Variants in SPAG9 observed in about 807,000 individuals in gnomAD.
SPAG9 encodes the protein C-Jun-amino-terminal kinase-interacting protein 4.
SPAG9 carries 35 observed loss-of-function variants against 166.5 expected under a neutral mutation model. That is an observed-to-expected ratio of 0.21 (90% CI 0.16 to 0.28). The LOEUF (loss-of-function observed/expected upper bound fraction) is 0.28. Ranked by LOEUF, SPAG9 falls within the 10% of genes least tolerant of loss-of-function variation. The pLI, the probability that SPAG9 is intolerant of heterozygous loss-of-function variation, is 1.00. For synonymous variants in SPAG9, 534 were observed against 565.5 expected (o/e 0.94, Z 0.79); for missense variants, 1,235 against 1,603.3 (o/e 0.77, Z 3.92).
chr17:51,021,890 C>T (rs958499176), intron 6 of SPAG9, among the ~76,000 whole-genome samples: 6 of 151,954 alleles, frequency 3.9e-5, no homozygotes, highest in East Asian at 1.9e-4. Context: ...TTTGGGAGGC[C>T]GAGGCAGGCG....
At chr17:51,117,708 CA>C (rs397856959) in intron 1 of SPAG9, among the ~76,000 whole-genome samples, 11,283 of 41,736 alleles carry the variant, frequency 0.27, 143 homozygotes, top group Admixed American at 0.31. Flanking sequence ...GACTCCGTCT[CA>C]AAAAAAAAAA....
chr17:50,999,400 G>T, intron 14 of SPAG9: 1 of 1,159,266 alleles, frequency 8.6e-7, no homozygotes. Flanking sequence ...AAATTTGGCA[G>T]AGGATTGCAA....
intron 8 of SPAG9, among the ~76,000 whole-genome samples, chr17:51,016,449 A>C (rs930909850): frequency 3.9e-5 from 6 of 152,236 alleles, no homozygotes; most frequent in African/African-American, 1.4e-4. Flanking sequence ...CAGGAGAGTA[A>C]GCCCTAGGAA....
At chr17:50,980,065 T>C (rs1434720859) in intron 25 of SPAG9, 148 bp from the exon 26 acceptor site, 1 of 716,386 alleles carries the variant, frequency 1.4e-6, no homozygotes, top group Non-Finnish European at 2.3e-6. Flanking sequence ...TACACAATTG[T>C]TTTCATCCTG....
chr17:51,032,199 T>C (rs117941108), intron 5 of SPAG9, among the ~76,000 whole-genome samples: 6,549 of 152,274 alleles, frequency 0.043, 202 homozygotes, highest in Non-Finnish European at 0.064. Flanking sequence ...CTCACTCCTG[T>C]CGTCCAGGCT....
Position 51,047,442 on chromosome 17 carries a change from C to G in SPAG9, c.523G>C (p.Glu175Gln). 1 of 1,576,684 alleles carries G rather than the reference C, an allele frequency of 6.3e-7. No individual in the cohort carries two copies. The highest frequency in any genetic ancestry group is 8.7e-7 in the Non-Finnish European group (1 of 1,155,020). Residue 175 changes from glutamate to glutamine, a missense_variant, in exon 4 of 30, where the codon GAA (glutamate) becomes CAA (glutamine). By Grantham distance (29) the Glu-to-Gln change is conservative. Coordinates refer to ENST00000262013, the MANE Select transcript of SPAG9 (RefSeq NM_001130528.3). ...EMIHNYMEHL[E>Q]RTKLHQLSGS... Reference sequence around the variant, plus strand: ...GAGAGCTGATGAAGTTTTGTTCTTTCTAAATGTTCCATATAATTATGGATC... The same window carrying G: ...GAGAGCTGATGAAGTTTTGTTCTTTGTAAATGTTCCATATAATTATGGATC...
chr17:51,091,461 C>T (rs1372847518), intron 1 of SPAG9, among the ~76,000 whole-genome samples: 1 of 151,944 alleles, frequency 6.6e-6, no homozygotes, highest in Non-Finnish European at 1.5e-5. Context: ...AGGAGAAGCG[C>T]AGCAGTTTTT....
intron 8 of SPAG9, among the ~76,000 whole-genome samples, chr17:51,016,426 G>A (rs2045700060): frequency 6.6e-6 from 1 of 152,202 alleles, no homozygotes; most frequent in South Asian, 2.1e-4. Flanking sequence ...TGGAGAATGG[G>A]AATAGGAGGC....
chr17:51,054,761 A>C (rs1487040498), intron 3 of SPAG9, among the ~76,000 whole-genome samples: 1 of 152,038 alleles, frequency 6.6e-6, no homozygotes, highest in African/African-American at 2.4e-5. Context: ...TTACCACTGA[A>C]AAAGCTGCTG....
At chr17:51,004,435 T>C (rs1376821723) in intron 12 of SPAG9, among the ~76,000 whole-genome samples, 1 of 152,252 alleles carries the variant, frequency 6.6e-6, no homozygotes, top group East Asian at 1.9e-4. Flanking sequence ...CTGCAAACAT[T>C]TGTTATAAGA....
At chr17:51,081,288 T>C (rs1217875857) in intron 1 of SPAG9, among the ~76,000 whole-genome samples, 1 of 152,056 alleles carries the variant, frequency 6.6e-6, no homozygotes, top group Non-Finnish European at 1.5e-5. Context: ...CGGTCTCTAC[T>C]AAAAACACAA....
intron 19 of SPAG9, among the ~76,000 whole-genome samples, chr17:50,991,449 ATTT>A (rs1298245184): frequency 6.6e-6 from 1 of 151,940 alleles, no homozygotes; most frequent in Non-Finnish European, 1.5e-5. Flanking sequence ...AATAAATCTC[ATTT>A]TTTAATTTAG....
intron 3 of SPAG9, among the ~76,000 whole-genome samples, chr17:51,051,532 C>A (rs1222399275): frequency 6.6e-6 from 1 of 152,160 alleles, no homozygotes; most frequent in Non-Finnish European, 1.5e-5. Flanking sequence ...CCAGCCTGGA[C>A]AACATGGTGA....
chr17:51,033,266 T>C (rs1432257377), intron 5 of SPAG9, among the ~76,000 whole-genome samples: 4 of 147,474 alleles, frequency 2.7e-5, no homozygotes, highest in Non-Finnish European at 4.5e-5. Flanking sequence ...TGGGTAGCTC[T>C]CTCTATATAA....
chr17:51,054,855 C>G (rs1429605958), intron 3 of SPAG9, among the ~76,000 whole-genome samples: 1 of 152,144 alleles, frequency 6.6e-6, no homozygotes, highest in East Asian at 1.9e-4. Context: ...GATATCAATT[C>G]TGTGATACTT....
At chr17:51,050,048 AAAG>A (rs2047139570) in intron 3 of SPAG9, among the ~76,000 whole-genome samples, 1 of 152,236 alleles carries the variant, frequency 6.6e-6, no homozygotes, top group African/African-American at 2.4e-5. Context: ...CAATATAGAA[AAAG>A]AATGACAAGC....
chr17:50,967,439 A>C lies in SPAG9; in HGVS notation c.3851-1052T>G, dbSNP rs1973444602. ...ATCTGCATTTTTCTCTGCAGGCCAA[A>C]CTTTCCCTTACCCAGCCCTGTAATG... On this transcript the variant is annotated intron_variant, in intron 29 of 29. Transcript: ENST00000262013. Among the ~76,000 whole-genome samples the C allele has an allele frequency of 1.3e-5, 2 of 152,190 alleles. 1 individual carries two copies. Among genetic ancestry groups the C allele is most frequent in the South Asian group, 4.1e-4 (2 of 4,832 alleles).
chr17:51,020,327 GT>G, intron 7 of SPAG9, 69 bp from the exon 8 acceptor site: 2 of 1,001,614 alleles, frequency 2.0e-6, no homozygotes, highest in Non-Finnish European at 1.5e-6. Context: ...AAATCCTGTT[GT>G]TTTTATGGGT....
intron 9 of SPAG9, among the ~76,000 whole-genome samples, chr17:51,011,651 G>A (rs1383971897): frequency 6.6e-6 from 1 of 152,094 alleles, no homozygotes; most frequent in African/African-American, 2.4e-5. Flanking sequence ...CCAAAGAGCT[G>A]GGATTACAGG....
Sources: allele counts gnomAD v4.1 joint callset (sites outside exome capture counted in the v4.1 genomes callset), GRCh38; gene constraint gnomAD v4.1.1; transcripts MANE v1.5; gene names NCBI Gene and HGNC (gene_info 2026-07-23, HGNC 2026-07-21).